The following TECPR2 variants were observed in gnomAD, a reference collection of about 807,000 sequenced individuals.
TECPR2 encodes tectonin beta-propeller repeat containing 2.
Under a neutral mutation model 138.1 loss-of-function variants are expected in TECPR2, and 65 were observed. That is an observed-to-expected ratio of 0.47 (90% CI 0.39 to 0.58). TECPR2 has a LOEUF of 0.58. Among genes scored for constraint, TECPR2 ranks in the 20% least tolerant of loss-of-function variants. The probability of loss-of-function intolerance (pLI) is 0.00; values close to 1 mark genes in which losing one functional copy is unlikely to be tolerated. For synonymous variants in TECPR2, 746 were observed against 749.8 expected, an observed-to-expected ratio of 0.99 and a Z score of 0.08; for missense variants, 1,553 against 1,824.5, an observed-to-expected ratio of 0.85 and a Z score of 2.71.
At chr14:102,428,436 G>A in intron 7 of TECPR2, 54 bp downstream of exon 7, 3 of 1,592,848 alleles carry the variant, frequency 1.9e-6, no homozygotes, top group Non-Finnish European at 2.6e-6. Context: ...ACTATACTCT[G>A]TTGTTTGTAA....
intron 1 of TECPR2, among the ~76,000 whole-genome samples, chr14:102,373,339 CTG>C (rs749616025): frequency 1.4e-4 from 22 of 152,164 alleles, no homozygotes; most frequent in Admixed American, 6.5e-4. Context: ...TCAGTAGAAA[CTG>C]TATTTCCAGT....
chr14:102,414,504 G>A, intron 4 of TECPR2, 132 bp from the exon 5 acceptor site: 1 of 1,102,818 alleles, frequency 9.1e-7, no homozygotes, highest in Non-Finnish European at 1.3e-6. Context: ...TCTGCAGAGA[G>A]TGAAAGCATG....
chr14:102,424,954 C>CT (rs746233855), intron 5 of TECPR2, 25 bp from the exon 6 acceptor site: 1 of 1,553,612 alleles, frequency 6.4e-7, no homozygotes, highest in Non-Finnish European at 8.8e-7. Flanking sequence ...GTTTTTTGTT[C>CT]TTTCTTTCTT....
intron 1 of TECPR2, among the ~76,000 whole-genome samples, chr14:102,372,751 C>A (rs1291135981): frequency 6.6e-6 from 1 of 151,962 alleles, no homozygotes; most frequent in Non-Finnish European, 1.5e-5. Context: ...GAAACCCCAT[C>A]TCTATTAAAA....
intron 13 of TECPR2, 101 bp from the exon 14 acceptor site, chr14:102,449,528 A>G: frequency 6.6e-7 from 1 of 1,521,344 alleles, no homozygotes; most frequent in Non-Finnish European, 8.9e-7. Flanking sequence ...GTTACTAGAA[A>G]TGCAGAGGTG....
At chr14:102,484,783 G>A (rs557924466) in intron 17 of TECPR2, among the ~76,000 whole-genome samples, 206 of 152,020 alleles carry the variant, frequency 1.4e-3, no homozygotes, top group African/African-American at 4.3e-3. Flanking sequence ...TCAGCCTCCC[G>A]AGTAGCTGGG....
intron 2 of TECPR2, among the ~76,000 whole-genome samples, chr14:102,380,834 A>G (rs1007095204): frequency 4.6e-5 from 7 of 152,056 alleles, no homozygotes; most frequent in Admixed American, 6.6e-5. Flanking sequence ...GCCCGCCACC[A>G]CACCGGCTAA....
chr14:102,448,442 A>G (rs984405547), intron 13 of TECPR2, among the ~76,000 whole-genome samples: 5 of 152,210 alleles, frequency 3.3e-5, no homozygotes, highest in Non-Finnish European at 5.9e-5. Context: ...AGGTATATGA[A>G]TGCTTTTCAG....
intron 16 of TECPR2, among the ~76,000 whole-genome samples, chr14:102,456,126 C>A (rs76905977): frequency 6.6e-6 from 1 of 152,142 alleles, no homozygotes; most frequent in Admixed American, 6.5e-5. Flanking sequence ...CGGGGCATCC[C>A]GTCTAAATGT....
chr14:102,395,522 G>A (rs1431297832), intron 2 of TECPR2, among the ~76,000 whole-genome samples: 3 of 152,148 alleles, frequency 2.0e-5, no homozygotes, highest in South Asian at 2.1e-4. Context: ...ATGTTGGGCC[G>A]GGCACGGTGG....
At position 102,452,615 on chromosome 14, in the gene TECPR2, C is replaced by G; in HGVS notation, c.3628C>G (p.Leu1210Val). Residue 1210 changes from leucine (L) to valine (V), a missense_variant, in exon 16 of 20, where the codon CTC (leucine) becomes GTC (valine). Transcript: ENST00000359520. The stretch of plus-strand genomic sequence containing the variant: ...GGGCATGCACTGGACCAGGCTGGAC[C>G]TCTCCCAGCTAGGTACGGCCACCTC... Reference protein sequence around the residue: ...PTGMHWTRLDLSQLGAVKLTS... With the variant: ...PTGMHWTRLDVSQLGAVKLTS... 6.3e-7 allele frequency: 1 copy of G among 1,594,712 alleles called. No homozygotes were observed. Among genetic ancestry groups the G allele is most frequent in the South Asian group, 1.1e-5 (1 of 88,456 alleles).
chr14:102,481,204 A>G (rs974597650), intron 17 of TECPR2, among the ~76,000 whole-genome samples: 1 of 151,150 alleles, frequency 6.6e-6, no homozygotes, highest in African/African-American at 2.4e-5. Flanking sequence ...GGGTTTCTCC[A>G]TGTTGGCCAG....
In TECPR2 at chr14:102,415,682, G is replaced by T. The variant is rs969727850; in HGVS notation, c.638+889G>T. ...AGGGCGGCATTAGTACAGATCATGC[G>T]TTGATGAGTCTACAGTCATGGATTG... On this transcript the variant is annotated intron_variant, in intron 5 of 19. Coordinates refer to ENST00000359520, the MANE Select transcript of TECPR2 (RefSeq NM_014844.5). The surrounding 1 kb of genome is among the most constrained non-coding windows in gnomAD (Gnocchi z 4.3). Among the ~76,000 whole-genome samples, 1 of 152,164 alleles carries T rather than the reference G, an allele frequency of 6.6e-6. No homozygotes were observed. Among genetic ancestry groups the T allele is most frequent in the South Asian group, 2.1e-4 (1 of 4,832 alleles).
In TECPR2 at chr14:102,443,950, A is replaced by G. The variant is rs1889903563; in HGVS notation, c.2933+123A>G. On this transcript the variant is annotated intron_variant, in intron 12 of 19. Transcript: ENST00000359520. The surrounding 1 kb of genome is among the most constrained non-coding windows in gnomAD (Gnocchi z 4.9). ...GGCAGCACCTGCAGCCTCCATGGCTATAGGCTAAGCTTGAATCTCTGCCTA... is the reference window on the plus strand; with the variant it reads ...GGCAGCACCTGCAGCCTCCATGGCTGTAGGCTAAGCTTGAATCTCTGCCTA... 6.3e-6 allele frequency: 6 copies of G among 947,768 alleles called. No homozygotes were observed. Among genetic ancestry groups the G allele is most frequent in the South Asian group, 2.3e-5 (1 of 42,688 alleles). 58.7% of individuals were successfully genotyped at this position (947,768 alleles called of 1,614,324 possible).
chr14:102,432,443 A>G (rs2139727766), intron 8 of TECPR2, among the ~76,000 whole-genome samples: 1 of 152,144 alleles, frequency 6.6e-6, no homozygotes, highest in East Asian at 1.9e-4. Flanking sequence ...TTTTTGCGAC[A>G]GAGTTTCGCT....
intron 4 of TECPR2, among the ~76,000 whole-genome samples, chr14:102,409,268 T>C (rs1888750395): frequency 6.6e-6 from 1 of 152,140 alleles, no homozygotes; most frequent in South Asian, 2.1e-4. Flanking sequence ...TTCTTATTTG[T>C]AGCCTTCATT....
chr14:102,478,493 T>C (rs1334039913), intron 17 of TECPR2, among the ~76,000 whole-genome samples: 1 of 147,328 alleles, frequency 6.8e-6, no homozygotes, highest in African/African-American at 2.5e-5. Flanking sequence ...CCAGCCTGGG[T>C]ATTATTGTGA....
intron 2 of TECPR2, among the ~76,000 whole-genome samples, chr14:102,404,263 C>T (rs188440103): frequency 6.8e-4 from 103 of 152,164 alleles, no homozygotes; most frequent in African/African-American, 2.4e-3. Flanking sequence ...TAATTCAATA[C>T]AATTTCTATC....
At chr14:102,483,466 G>GC (rs1890942354) in intron 17 of TECPR2, among the ~76,000 whole-genome samples, 1 of 151,906 alleles carries the variant, frequency 6.6e-6, no homozygotes, top group Non-Finnish European at 1.5e-5. Flanking sequence ...TTTTGAGACG[G>GC]TCTCTCACTC....
Sources: gnomAD v4.1 joint callset for allele counts (sites outside exome capture counted in the v4.1 genomes callset) on GRCh38, gnomAD v4.1.1 for gene constraint, Gnocchi (gnomAD v3.1) non-coding constraint, MANE v1.5 for transcripts, NCBI Gene and HGNC (gene_info 2026-07-23, HGNC 2026-07-21) for gene names.